VWF: variants seen among roughly 807,000 people sequenced by gnomAD.
VWF encodes the protein von Willebrand factor.
A neutral mutation model predicts 308.6 loss-of-function variants in VWF; 176 were observed. That is an observed-to-expected ratio of 0.57 (90% CI 0.50 to 0.65). The LOEUF (loss-of-function observed/expected upper bound fraction) is 0.65. Among genes scored for constraint, VWF ranks in the 30% least tolerant of loss-of-function variants. The probability of loss-of-function intolerance (pLI) is 0.00; values close to 1 mark genes in which losing one functional copy is unlikely to be tolerated. For synonymous variants in VWF, 1,385 were observed against 1,443.4 expected, an observed-to-expected ratio of 0.96 and a Z score of 0.92; for missense variants, 3,146 against 3,648.2, an observed-to-expected ratio of 0.86 and a Z score of 3.55.
intron 47 of VWF, among the ~76,000 whole-genome samples, chr12:5,958,456 G>A: frequency 6.6e-6 from 1 of 152,224 alleles, no homozygotes; most frequent in East Asian, 1.9e-4. Context: ...GGGAAGCCCA[G>A]ATAGGAAGAT....
intron 42 of VWF, among the ~76,000 whole-genome samples, chr12:5,980,091 A>AAAGGAAGGAAGG (rs199720992): frequency 1.1e-3 from 85 of 74,840 alleles, no homozygotes; most frequent in South Asian, 2.5e-3. Flanking sequence ...GAAAAGAAAG[A>AAAGGAAGGAAGG]AAGGAAGGAA....
At position 6,054,245 on chromosome 12, in the gene VWF, C is replaced by G. The variant is rs1283014165; in HGVS notation, c.1946-1462G>C. Among the ~76,000 whole-genome samples, 4 of 152,318 alleles carry G rather than the reference C, an allele frequency of 2.6e-5. 1 individual carries two copies. In the South Asian group the frequency reaches 8.3e-4, roughly 32 times the overall value. On this transcript the variant is annotated intron_variant, in intron 15 of 51. Transcript: ENST00000261405. ...CCCTGAACTTGGTGTTTGAAGGTAG[C>G]TGGGAAGGGAGGGCCTCTTTAATCC... is the stretch of plus-strand genomic sequence containing the variant.
intron 16 of VWF, among the ~76,000 whole-genome samples, chr12:6,051,284 T>C (rs1944506635): frequency 8.5e-6 from 1 of 117,534 alleles, no homozygotes; most frequent in Admixed American, 1.1e-4. Context: ...ACTTCTTTTT[T>C]TCTTTTTTTT....
intron 34 of VWF, among the ~76,000 whole-genome samples, chr12:5,998,780 C>G (rs216800): frequency 6.6e-6 from 1 of 151,854 alleles, no homozygotes; most frequent in East Asian, 1.9e-4. Context: ...AAGGCCAGAG[C>G]GCAATGGCGC....
chr12:6,081,916 T>C (rs1024759937), intron 6 of VWF, among the ~76,000 whole-genome samples: 2 of 152,074 alleles, frequency 1.3e-5, no homozygotes, highest in African/African-American at 4.8e-5. Flanking sequence ...GTGTCATTTT[T>C]CCCCTAAATT....
chr12:5,977,914 T>C (rs1386460992), intron 42 of VWF, among the ~76,000 whole-genome samples: 1 of 148,162 alleles, frequency 6.7e-6, no homozygotes, highest in Non-Finnish European at 1.5e-5. Context: ...TTCACATATA[T>C]AAATTATAGG....
In VWF at chr12:6,003,213, C is replaced by T. The variant is rs74056770; in HGVS notation, c.5843-6991G>A. Among the ~76,000 whole-genome samples the T allele has an allele frequency of 4.3e-3, 656 of 152,282 alleles. 5 individuals are homozygous for T. The highest frequency in any genetic ancestry group is 0.014 in the African/African-American group (575 of 41,554). On this transcript the variant is annotated intron_variant, in intron 34 of 51. Transcript: ENST00000261405. The stretch of plus-strand genomic sequence containing the variant: ...ATATTATTGTAATCTTAGTTTGTGA[C>T]TTCACTTTTTGTTTTCTACATGATT...
At chr12:6,068,144 A>AG (rs1944739441) in intron 10 of VWF, among the ~76,000 whole-genome samples, 1 of 152,054 alleles carries the variant, frequency 6.6e-6, no homozygotes, top group Non-Finnish European at 1.5e-5. Context: ...CAAAAAAAAA[A>AG]AAAAAAAAAA....
At chr12:6,113,628 C>A (rs1260507918) in intron 3 of VWF, among the ~76,000 whole-genome samples, 1 of 152,176 alleles carries the variant, frequency 6.6e-6, no homozygotes, top group African/African-American at 2.4e-5. Flanking sequence ...AATGTATTTA[C>A]CAGTAATGGT....
In VWF at chr12:5,976,301, T is replaced by C. The variant is rs776716956; in HGVS notation, c.7288-41A>G. The C allele has an allele frequency of 1.9e-6, 3 of 1,613,502 alleles. No individual in the cohort carries two copies. The South Asian group carries it at 3.3e-5, about 18-fold the overall frequency. On this transcript the variant is annotated intron_variant, in intron 42 of 51. Transcript: ENST00000261405. ...TTCGTGAGTGAACTCATTTGTTTCA[T>C]TGAAACAAGCGGTGAGTTAGCACCT...
In VWF at chr12:6,031,560, G is replaced by A. The variant is rs763488500; in HGVS notation, c.2704C>T (p.Pro902Ser). ...VLVQDYCGSN[P>S]GTFRILVGNK... ...CCCACTAGGATCCGAAAGGTCCCAG[G>A]GTTACTGCCGCAGTAATCCTGGGGA... The change falls in exon 21 of 52, where the codon CCT becomes TCT. Residue 902 changes from proline to serine, a missense_variant. Around this residue, in one of 3 missense-constraint regions of VWF, gnomAD observed 1,304 missense variants for 1,353.0 expected, o/e 0.96. Transcript: ENST00000261405. 1.2e-6 allele frequency: 2 copies of A among 1,613,930 alleles called. No individual in the cohort carries two copies. Among genetic ancestry groups the A allele is most frequent in the African/African-American group, 1.3e-5 (1 of 74,856 alleles).
intron 32 of VWF, among the ~76,000 whole-genome samples, 199 bp from the exon 33 acceptor site, chr12:6,012,329 A>G (rs944332139): frequency 1.1e-4 from 17 of 152,268 alleles, no homozygotes; most frequent in African/African-American, 3.9e-4. Context: ...CATGCTCTGC[A>G]GTTATTAATA....
intron 14 of VWF, 139 bp from the exon 15 acceptor site, chr12:6,057,211 A>C: frequency 1.4e-6 from 1 of 690,208 alleles, no homozygotes; most frequent in East Asian, 3.0e-5. Flanking sequence ...TGCAAATGCC[A>C]CCCCCACCCC....
chr12:6,016,037 C>G, intron 31 of VWF, 52 bp downstream of exon 31: 1 of 1,612,412 alleles, frequency 6.2e-7, no homozygotes, highest in Non-Finnish European at 8.5e-7. Flanking sequence ...AATCCTCTAT[C>G]ATTTCTGAAG....
rs369793120 is a variant in VWF, at chr12:6,061,464, A to G, written c.1533+1490T>C. Among the ~76,000 whole-genome samples the G allele has an allele frequency of 5.1e-3, 741 of 144,308 alleles. 8 individuals carry two copies. The highest frequency in any genetic ancestry group is 0.019 in the African/African-American group (680 of 35,814). 94.7% of individuals were successfully genotyped at this position (144,308 alleles called of 152,430 possible). A position where few individuals can be genotyped will look rare whatever the true frequency, so the allele number is the denominator to read the frequency against. On this transcript the variant is annotated intron_variant, in intron 13 of 51. Transcript: ENST00000261405. ...GGTCTGTGGTTGCAGGTTTATTTTC[A>G]TAAAAGGAAAAAAAAAAAAAAAAAG... is the stretch of plus-strand genomic sequence containing the variant.
Position 6,058,097 on chromosome 12 carries a change from A to T in VWF, c.1534-53T>A. The T allele has an allele frequency of 6.3e-7, 1 of 1,594,716 alleles. No homozygotes were observed. Among genetic ancestry groups the T allele is most frequent in the Non-Finnish European group, 8.6e-7 (1 of 1,167,650 alleles). On this transcript the variant is annotated intron_variant, in intron 13 of 51. Transcript: ENST00000261405. This position sits in a 1 kb window ranked among gnomAD's most constrained non-coding sequence, Gnocchi z 4.9. Reference sequence around the variant, plus strand: ...GCCGCTGCCGCGAAAGCAGCGGCATAGTTGTTTAGCTAATGAGATGGTTTT... The same window carrying T: ...GCCGCTGCCGCGAAAGCAGCGGCATTGTTGTTTAGCTAATGAGATGGTTTT...
chr12:6,067,908 C>A (rs1325137409), intron 10 of VWF, among the ~76,000 whole-genome samples: 1 of 151,920 alleles, frequency 6.6e-6, no homozygotes, highest in Non-Finnish European at 1.5e-5. Context: ...CTGAGACAGG[C>A]GGAGCACCCA....
intron 50 of VWF, 133 bp from the exon 51 acceptor site, chr12:5,950,016 G>A (rs953726705): frequency 1.6e-5 from 12 of 765,804 alleles, no homozygotes; most frequent in African/African-American, 8.5e-5. Context: ...CACAGGGAGG[G>A]AATTCAGTTA....
chr12:5,996,359 G>A (rs1230241381), intron 34 of VWF, 137 bp from the exon 35 acceptor site: 1 of 790,584 alleles, frequency 1.3e-6, no homozygotes, highest in African/African-American at 1.7e-5. Flanking sequence ...AGGTCATATA[G>A]AACAATTTCC....
Sources: gnomAD v4.1 joint callset for allele counts (sites outside exome capture counted in the v4.1 genomes callset) on GRCh38, gnomAD v4.1.1 for gene constraint, gnomAD v4.1.1 regional missense constraint, Gnocchi (gnomAD v3.1) non-coding constraint, MANE v1.5 for transcripts, NCBI Gene and HGNC (gene_info 2026-07-23, HGNC 2026-07-21) for gene names.